Variants in LARP1 observed in about 807,000 individuals in gnomAD.
The protein encoded by LARP1 is la-related protein 1.
In LARP1, 36 loss-of-function variants were observed where a neutral mutation model predicts 122.7. The ratio of observed to expected loss-of-function variants is 0.29; its 90% CI spans 0.22 to 0.39. The LOEUF is 0.39. Ranked by LOEUF, LARP1 falls within the 10% of genes least tolerant of loss-of-function variation. The pLI is 1.00. For synonymous variants in LARP1, 539 were observed against 528.7 expected, an observed-to-expected ratio of 1.02 and a Z score of -0.27; for missense variants, 1,040 against 1,403.6, an observed-to-expected ratio of 0.74 and a Z score of 4.14.
At chr5:154,706,677 A>G (rs1053116638) in intron 1 of LARP1, among the ~76,000 whole-genome samples, 10 of 152,008 alleles carry the variant, frequency 6.6e-5, no homozygotes, top group African/African-American at 2.4e-4. Context: ...TTACGTATAT[A>G]ACAAACCCAC....
intron 1 of LARP1, among the ~76,000 whole-genome samples, chr5:154,763,723 C>G (rs549671977): frequency 6.6e-6 from 1 of 151,702 alleles, no homozygotes; most frequent in Non-Finnish European, 1.5e-5. Flanking sequence ...GTGTCCTGGC[C>G]GGGCACAGTG....
intron 1 of LARP1, among the ~76,000 whole-genome samples, chr5:154,775,136 GTC>G (rs1210679228): frequency 1.3e-5 from 2 of 151,978 alleles, no homozygotes; most frequent in African/African-American, 4.8e-5. Context: ...TGGCAAGACT[GTC>G]TCTACAAAAA....
intron 1 of LARP1, among the ~76,000 whole-genome samples, chr5:154,768,406 C>T (rs1321115406): frequency 6.6e-6 from 1 of 152,156 alleles, no homozygotes; most frequent in Non-Finnish European, 1.5e-5. Flanking sequence ...AGTCACCTGT[C>T]AGTCCAGCCC....
rs1226153566 is a variant in LARP1, at chr5:154,814,611, A to G, written c.*515A>G. 6.6e-6 allele frequency: 1 copy of G among 152,410 alleles called. No individual in the cohort carries two copies. Among genetic ancestry groups the G allele is most frequent in the Non-Finnish European group, 1.5e-5 (1 of 68,042 alleles). 9.4% of individuals were successfully genotyped at this position (152,410 alleles called of 1,614,324 possible). On this transcript the variant is annotated 3_prime_UTR_variant, in exon 19 of 19. Transcript: ENST00000518297. ...GGGCCCCAGGAGCATCAGCCCCTTGATCATCTGGGGTTTGTCATCACCATA... is the reference window on the plus strand; with the variant it reads ...GGGCCCCAGGAGCATCAGCCCCTTGGTCATCTGGGGTTTGTCATCACCATA...
At chr5:154,799,797 T>C (rs74562835) in intron 9 of LARP1, 38 bp downstream of exon 9, 134,517 of 1,611,706 alleles carry the variant, frequency 0.083, 6,487 homozygotes, top group Admixed American at 0.19. Context: ...CCTTGTCCTC[T>C]GGGCAACAGT....
intron 1 of LARP1, among the ~76,000 whole-genome samples, chr5:154,760,884 A>C (rs1251961332): frequency 6.6e-6 from 1 of 152,250 alleles, no homozygotes; most frequent in Non-Finnish European, 1.5e-5. Context: ...AAATGTCCAA[A>C]GACATTTTGA....
intron 1 of LARP1, among the ~76,000 whole-genome samples, chr5:154,745,925 A>T (rs1295988350): frequency 6.6e-6 from 1 of 151,844 alleles, no homozygotes; most frequent in Non-Finnish European, 1.5e-5. Flanking sequence ...CCTTCCGAGT[A>T]CCTGGGATTA....
At chr5:154,742,406 A>G (rs994479883) in intron 1 of LARP1, among the ~76,000 whole-genome samples, 2 of 152,176 alleles carry the variant, frequency 1.3e-5, no homozygotes, top group Non-Finnish European at 2.9e-5. Flanking sequence ...TATTAAAAAT[A>G]AAATTAGTCA....
At chr5:154,754,478 C>A (rs1371840896), upstream of LARP1, among the ~76,000 whole-genome samples, 3 of 152,174 alleles carry the variant, frequency 2.0e-5, no homozygotes, top group Admixed American at 1.3e-4. Flanking sequence ...TCTCAGAAGT[C>A]CCAATCCAGG....
intron 1 of LARP1, among the ~76,000 whole-genome samples, chr5:154,702,020 G>A (rs1326326326): frequency 6.6e-6 from 1 of 152,158 alleles, no homozygotes; most frequent in Non-Finnish European, 1.5e-5. Context: ...GACACAGCAG[G>A]ATTGAGTGAT....
intron 7 of LARP1, among the ~76,000 whole-genome samples, 186 bp from the exon 8 acceptor site, chr5:154,794,989 G>A (rs1170482939): frequency 1.3e-5 from 2 of 152,180 alleles, no homozygotes; most frequent in African/African-American, 4.8e-5. Flanking sequence ...ACCCAAGCAA[G>A]GTAGGGTGTC....
At chr5:154,711,181 G>A (rs566532563), upstream of LARP1, among the ~76,000 whole-genome samples, 192 of 148,464 alleles carry the variant, frequency 1.3e-3, no homozygotes, top group Middle Eastern at 0.014. Flanking sequence ...TCACTCTGTC[G>A]CCTGGGTTGG....
At chr5:154,711,915 T>A (rs1260329446), upstream of LARP1, among the ~76,000 whole-genome samples, 3 of 152,144 alleles carry the variant, frequency 2.0e-5, no homozygotes, top group African/African-American at 7.2e-5. Context: ...ATCACCTCCC[T>A]AGGGAGGGCC....
At chr5:154,699,315 C>G (rs1754610156) in intron 1 of LARP1, among the ~76,000 whole-genome samples, 1 of 152,090 alleles carries the variant, frequency 6.6e-6, no homozygotes, top group South Asian at 2.1e-4. Flanking sequence ...TTCTTGGGCC[C>G]CATTCCTGGA....
intron 1 of LARP1, among the ~76,000 whole-genome samples, chr5:154,767,770 A>G (rs1755075816): frequency 6.6e-6 from 1 of 152,170 alleles, no homozygotes; most frequent in African/African-American, 2.4e-5. Context: ...TAACAGTGGT[A>G]GGAGGAAGAG....
Position 154,755,408 on chromosome 5 carries a change from GCCCGGGCCGC to G in LARP1, c.-343_-334del, listed in dbSNP as rs1753769908. ...ATTGCTGCAGCCCCCGAGCCGGGAA[GCCCGGGCCGC>G]CCCGGGGGCGGGGGGGAGGGAGGGA... On this transcript the variant is annotated 5_prime_UTR_variant, in exon 1 of 19. Coordinates refer to ENST00000518297, the MANE Select transcript of LARP1 (RefSeq NM_033551.3). Among the ~76,000 whole-genome samples the G allele has an allele frequency of 6.6e-6, 1 of 151,162 alleles. No individual in the cohort carries two copies.
At chr5:154,719,790 A>C (rs1268413768) in intron 1 of LARP1, among the ~76,000 whole-genome samples, 1 of 151,428 alleles carries the variant, frequency 6.6e-6, no homozygotes, top group Admixed American at 6.6e-5. Context: ...TGAGGCCAGG[A>C]GGCAGAGGTT....
At chr5:154,696,085 G>T (rs371494070) in intron 1 of LARP1, among the ~76,000 whole-genome samples, 78 of 151,996 alleles carry the variant, frequency 5.1e-4, no homozygotes, top group Admixed American at 5.1e-3. Flanking sequence ...GGCTGGGCAC[G>T]GTGGCTCACT....
chr5:154,781,889 T>C (rs753656570), intron 1 of LARP1, among the ~76,000 whole-genome samples: 4 of 152,204 alleles, frequency 2.6e-5, no homozygotes, highest in Non-Finnish European at 5.9e-5. Flanking sequence ...CAGTAATTGA[T>C]TGCAGTCTAG....
Sources: allele counts gnomAD v4.1 joint callset (sites outside exome capture counted in the v4.1 genomes callset), GRCh38; gene constraint gnomAD v4.1.1; transcripts MANE v1.5; gene names NCBI Gene and HGNC (gene_info 2026-07-23, HGNC 2026-07-21).